The following DNAH12 variants were observed in gnomAD, a reference collection of about 807,000 sequenced individuals.
DNAH12 encodes the protein dynein axonemal heavy chain 12.
DNAH12 carries 285 observed loss-of-function variants against 371.5 expected under a neutral mutation model. The observed-to-expected ratio is 0.77, with a 90% confidence interval of 0.70 to 0.85. The LOEUF is 0.85. Ranked by LOEUF, DNAH12 falls within the 40% of genes least tolerant of loss-of-function variation. DNAH12 has a pLI of 0.00. For synonymous variants in DNAH12, 1,200 were observed against 1,213.0 expected (o/e 0.99, Z 0.22); for missense variants, 3,611 against 3,689.4 (o/e 0.98, Z 0.55).
upstream of DNAH12, among the ~76,000 whole-genome samples, chr3:57,548,134 G>T (rs894310932): frequency 1.3e-5 from 2 of 152,146 alleles, no homozygotes; most frequent in African/African-American, 4.8e-5. Context: ...AGTTTACATA[G>T]TAGCCATAAT....
At chr3:57,468,537 C>T (rs1342086560) in intron 17 of DNAH12, 199 bp downstream of exon 17, 3 of 276,594 alleles carry the variant, frequency 1.1e-5, no homozygotes, top group Non-Finnish European at 1.3e-5. Flanking sequence ...ATCGCTTGAG[C>T]CCAGGAGGTG....
intron 30 of DNAH12, 142 bp from the exon 31 acceptor site, chr3:57,433,970 CAT>C (rs2065040057): frequency 7.3e-6 from 5 of 687,546 alleles, no homozygotes; most frequent in African/African-American, 3.7e-5. Context: ...ATGAAGAAAA[CAT>C]ATTTAATTTC....
At chr3:57,351,908 A>C (rs994944057) in intron 60 of DNAH12, among the ~76,000 whole-genome samples, 177 bp downstream of exon 60, 1 of 152,200 alleles carries the variant, frequency 6.6e-6, no homozygotes. Context: ...ATAAATTTTA[A>C]AAATTAAATA....
chr3:57,419,245 C>G (rs1283934672), intron 37 of DNAH12, 122 bp downstream of exon 37: 1 of 994,036 alleles, frequency 1.0e-6, no homozygotes, highest in Non-Finnish European at 1.4e-6. Flanking sequence ...AACATGCCAA[C>G]AAGTCCCCCA....
rs2063471573 is a variant in DNAH12, at chr3:57,384,923, T to G, written c.7766A>C (p.Glu2589Ala). ...CTCATTTTTCAGAGCTTGGGCTTCTTCAGCTTTCCCACTGGCTATCTCTTC... is the reference window on the plus strand; with the variant it reads ...CTCATTTTTCAGAGCTTGGGCTTCTGCAGCTTTCCCACTGGCTATCTCTTC... ...LDEEIASGKA[E>A]EAQALKNECE... is the part of the protein sequence containing the mutation. Residue 2589 changes from glutamate to alanine, a missense_variant, in exon 49 of 74, where the codon GAA (glutamate) becomes GCA (alanine). By Grantham distance (107) the Glu-to-Ala change is moderately radical. Coordinates refer to ENST00000495027, the MANE Select transcript of DNAH12 (RefSeq NM_001366028.2). 1 of 152,234 alleles carries G rather than the reference T, an allele frequency of 6.6e-6. No individual in the cohort carries two copies. The highest frequency in any genetic ancestry group is 2.4e-5 in the African/African-American group (1 of 41,456). The allele number at this position is 152,234 out of a possible 1,614,324, so 9.4% of individuals were successfully genotyped here.
intron 43 of DNAH12, among the ~76,000 whole-genome samples, chr3:57,397,563 T>C (rs894560333): frequency 1.3e-5 from 2 of 152,092 alleles, no homozygotes; most frequent in Non-Finnish European, 2.9e-5. Flanking sequence ...ATAGGTGAGT[T>C]CCCTGGTGGG....
intron 20 of DNAH12, among the ~76,000 whole-genome samples, chr3:57,459,343 G>A (rs1486262991): frequency 1.3e-5 from 2 of 152,064 alleles, no homozygotes; most frequent in Non-Finnish European, 1.5e-5. Flanking sequence ...TATAGTAGAA[G>A]GCATGTGAAT....
chr3:57,433,305 T>C lies in DNAH12; in HGVS notation c.4980+62A>G. 2.7e-6 allele frequency: 4 copies of C among 1,498,448 alleles called. No homozygotes were observed. In the South Asian group the frequency reaches 5.5e-5, roughly 21 times the overall value. The allele number at this position is 1,498,448 out of a possible 1,614,324, so 92.8% of individuals were successfully genotyped here. A position where few individuals can be genotyped will look rare whatever the true frequency, so the allele number is the denominator to read the frequency against. On this transcript the variant is annotated intron_variant, in intron 32 of 73. Transcript: ENST00000495027. Reference sequence around the variant, plus strand: ...ATTTTAAATAGAGTCCTAGTTTAGTTGCTGAACACATAAAATTGCTTAATC... The same window carrying C: ...ATTTTAAATAGAGTCCTAGTTTAGTCGCTGAACACATAAAATTGCTTAATC...
At position 57,453,352 on chromosome 3, in the gene DNAH12, C is replaced by T. The variant is rs1423511748; in HGVS notation, c.3508G>A (p.Glu1170Lys). The T allele has an allele frequency of 6.4e-7, 1 of 1,550,828 alleles. No homozygotes were observed. The highest frequency in any genetic ancestry group is 2.0e-5 in the Admixed American group (1 of 50,914). The change falls in exon 24 of 74, where the codon GAG (glutamate) becomes AAG (lysine). Residue 1170 changes from glutamate to lysine, a missense_variant. Transcript: ENST00000495027. ...ELQNQLNEIVELVRGKLSKQT... is the reference protein window; with the variant it reads ...ELQNQLNEIVKLVRGKLSKQT... ...TTAGACAACTTTCCTCTTACCAGCT[C>T]TACAATCTCATTCAGTTGGTTCTGA...
chr3:57,503,109 C>A (rs1282239877), intron 9 of DNAH12, among the ~76,000 whole-genome samples: 1 of 152,104 alleles, frequency 6.6e-6, no homozygotes, highest in African/African-American at 2.4e-5. Flanking sequence ...CAAGTTGGGC[C>A]AGGTGCAGTA....
chr3:57,465,321 T>A (rs1394661476), intron 17 of DNAH12, among the ~76,000 whole-genome samples: 1 of 152,204 alleles, frequency 6.6e-6, no homozygotes, highest in East Asian at 1.9e-4. Context: ...AATGGTTTCA[T>A]GAGTGAATGT....
chr3:57,360,024 TA>T (rs1460501239), intron 58 of DNAH12, among the ~76,000 whole-genome samples: 17 of 152,228 alleles, frequency 1.1e-4, no homozygotes, highest in Non-Finnish European at 2.1e-4. Flanking sequence ...CACTGTAAGA[TA>T]AAGCACTTGA....
chr3:57,502,563 C>G, intron 9 of DNAH12, 84 bp from the exon 10 acceptor site: 1 of 1,366,200 alleles, frequency 7.3e-7, no homozygotes, highest in Non-Finnish European at 9.9e-7. Context: ...TTTTTTTTTC[C>G]TTTGGAGACG....
At chr3:57,444,070 G>T (rs376588314) in intron 29 of DNAH12, among the ~76,000 whole-genome samples, 3 of 151,792 alleles carry the variant, frequency 2.0e-5, no homozygotes, top group Non-Finnish European at 4.4e-5. Flanking sequence ...GCATGGTGGC[G>T]CTTGCCTGTA....
At chr3:57,544,647 A>C (rs932225271), upstream of DNAH12, among the ~76,000 whole-genome samples, 1 of 152,206 alleles carries the variant, frequency 6.6e-6, no homozygotes, top group Non-Finnish European at 1.5e-5. Flanking sequence ...TCAGCAAGAG[A>C]ATCAAGTCTT....
At chr3:57,322,093 G>A (rs1424490060) in intron 65 of DNAH12, among the ~76,000 whole-genome samples, 2 of 152,012 alleles carry the variant, frequency 1.3e-5, no homozygotes, top group African/African-American at 4.8e-5. Context: ...ACTGGGCTTT[G>A]GCTTACAAAC....
rs2067653455 is a variant in DNAH12 at position 57,503,956 on chromosome 3, T to C, written c.1086+60A>G. The C allele has an allele frequency of 3.6e-6, 5 of 1,377,620 alleles. No individual in the cohort carries two copies. In the South Asian group the frequency reaches 6.6e-5, roughly 18 times the overall value. The allele number at this position is 1,377,620 out of a possible 1,614,324, so 85.3% of individuals were successfully genotyped here. A position where few individuals can be genotyped will look rare whatever the true frequency, so the allele number is the denominator to read the frequency against. On this transcript the variant is annotated intron_variant, in intron 9 of 73. Transcript: ENST00000495027. ...CATAACATTGTATGTACACATACAC[T>C]GCATAGAGATTCAATTCAAATAATT... is the stretch of plus-strand genomic sequence containing the variant.
chr3:57,300,122 C>T (rs1185794395), intron 70 of DNAH12, among the ~76,000 whole-genome samples: 2 of 152,140 alleles, frequency 1.3e-5, no homozygotes, highest in African/African-American at 4.8e-5. Flanking sequence ...TTGCAGATAG[C>T]CTCTTCTCTG....
chr3:57,330,455 T>C (rs13062727), intron 62 of DNAH12, among the ~76,000 whole-genome samples: 48,467 of 150,772 alleles, frequency 0.32, 8,585 homozygotes, highest in African/African-American at 0.46. Context: ...CAGCAAACAA[T>C]TGCAAGGACA....
Sources: allele counts gnomAD v4.1 joint callset (sites outside exome capture counted in the v4.1 genomes callset), GRCh38; gene constraint gnomAD v4.1.1; transcripts MANE v1.5; gene names NCBI Gene and HGNC (gene_info 2026-07-23, HGNC 2026-07-21).